The following DAB1 variants were observed in gnomAD, a reference collection of about 807,000 sequenced individuals.
The protein encoded by DAB1 is DAB adaptor protein 1.
DAB1 carries 15 observed loss-of-function variants against 64.6 expected under a neutral mutation model. The observed-to-expected ratio is 0.23, with a 90% CI of 0.16 to 0.36. The LOEUF is 0.36. Among genes scored for constraint, DAB1 ranks in the 10% least tolerant of loss-of-function variants. The probability of loss-of-function intolerance (pLI) is 1.00; values close to 1 mark genes in which losing one functional copy is unlikely to be tolerated. For synonymous variants in DAB1, 235 were observed against 251.9 expected (o/e 0.93, Z 0.64); for missense variants, 596 against 706.7 (o/e 0.84, Z 1.78).
At chr1:57,752,563 C>T (rs1203565065) in intron 6 of DAB1, among the ~76,000 whole-genome samples, 1 of 152,132 alleles carries the variant, frequency 6.6e-6, no homozygotes, top group East Asian at 1.9e-4. Context: ...GGTCTTCTTC[C>T]ATTATAGATC....
At chr1:57,390,239 A>C (rs1042544177) in intron 1 of DAB1, among the ~76,000 whole-genome samples, 16 of 152,234 alleles carry the variant, frequency 1.1e-4, no homozygotes, top group African/African-American at 3.6e-4. Flanking sequence ...TTTGAATCAG[A>C]AGACCTGATG....
At chr1:57,611,721 T>A (rs559634607) in intron 7 of DAB1, among the ~76,000 whole-genome samples, 2 of 152,206 alleles carry the variant, frequency 1.3e-5, no homozygotes. Context: ...GCCTGCATCA[T>A]GCCTGTCCTG....
At chr1:57,656,133 A>T (rs1646315898) in intron 6 of DAB1, among the ~76,000 whole-genome samples, 1 of 152,194 alleles carries the variant, frequency 6.6e-6, no homozygotes, top group Non-Finnish European at 1.5e-5. Flanking sequence ...GGATACAAGA[A>T]GTTGGCTGTC....
intron 4 of DAB1, among the ~76,000 whole-genome samples, chr1:58,276,706 A>G (rs1356530856): frequency 6.6e-6 from 1 of 152,120 alleles, no homozygotes; most frequent in Non-Finnish European, 1.5e-5. Flanking sequence ...GAGTACCAAA[A>G]CCATCATGTC....
chr1:57,878,410 A>G (rs950441140), intron 1 of DAB1: 1 of 152,166 alleles, frequency 6.6e-6, no homozygotes, highest in Admixed American at 6.5e-5. Context: ...TCTACACTGG[A>G]AGAGCATTTT....
At chr1:57,002,701 G>A (rs1645914083) in intron 14 of DAB1, among the ~76,000 whole-genome samples, 1 of 152,206 alleles carries the variant, frequency 6.6e-6, no homozygotes, top group South Asian at 2.1e-4. Flanking sequence ...CTGATGGTAT[G>A]TGAAATGTTG....
intron 5 of DAB1, among the ~76,000 whole-genome samples, chr1:58,127,414 G>A (rs1204450766): frequency 6.6e-6 from 1 of 151,172 alleles, no homozygotes; most frequent in Non-Finnish European, 1.5e-5. Context: ...TAGGTTGCCT[G>A]TTCACTCTGA....
intron 1 of DAB1, among the ~76,000 whole-genome samples, chr1:57,329,632 TC>T: frequency 6.9e-6 from 1 of 144,002 alleles, no homozygotes; most frequent in African/African-American, 2.6e-5. Context: ...TCCAGAATGT[TC>T]CAGGATGGTC....
At chr1:57,150,937 C>T (rs149477760) in intron 2 of DAB1, among the ~76,000 whole-genome samples, 226 of 152,228 alleles carry the variant, frequency 1.5e-3, no homozygotes, top group Middle Eastern at 0.014. Context: ...GGGAGGATTG[C>T]TTGAGCCCAG....
intron 4 of DAB1, among the ~76,000 whole-genome samples, chr1:57,102,618 C>G (rs1654782102): frequency 6.6e-6 from 1 of 152,204 alleles, no homozygotes; most frequent in Admixed American, 6.5e-5. Context: ...CTTGTTTCAA[C>G]TATTTTCATC....
At chr1:58,282,532 C>A (rs1661586309) in intron 4 of DAB1, among the ~76,000 whole-genome samples, 1 of 151,404 alleles carries the variant, frequency 6.6e-6, no homozygotes, top group Non-Finnish European at 1.5e-5. Context: ...AAAAACTAAC[C>A]AGAAGATTGC....
At chr1:58,345,561 G>C (rs764614935) in intron 3 of DAB1, among the ~76,000 whole-genome samples, 1 of 152,168 alleles carries the variant, frequency 6.6e-6, no homozygotes, top group African/African-American at 2.4e-5. Context: ...TCTAATGGGG[G>C]CTGTCAGGTA....
At chr1:58,452,430 C>T (rs1274418339) in intron 3 of DAB1, among the ~76,000 whole-genome samples, 4 of 151,812 alleles carry the variant, frequency 2.6e-5, no homozygotes, top group Admixed American at 1.3e-4. Flanking sequence ...CACATGTTCA[C>T]GATGATGTGG....
chr1:58,289,969 C>A (rs1661775340), intron 4 of DAB1, among the ~76,000 whole-genome samples: 1 of 152,170 alleles, frequency 6.6e-6, no homozygotes, highest in Non-Finnish European at 1.5e-5. Flanking sequence ...GGAGACAGTA[C>A]ATTATGGAAA....
chr1:58,116,551 T>A (rs1213587759), intron 5 of DAB1, among the ~76,000 whole-genome samples: 2 of 152,216 alleles, frequency 1.3e-5, no homozygotes, highest in East Asian at 3.8e-4. Flanking sequence ...TTGCCATGTA[T>A]CTTTTAAATA....
intron 7 of DAB1, among the ~76,000 whole-genome samples, chr1:57,527,514 T>C (rs1468916539): frequency 6.6e-6 from 1 of 152,140 alleles, no homozygotes; most frequent in Non-Finnish European, 1.5e-5. Context: ...GATTTTTCAG[T>C]CAGTTTCAAA....
chr1:57,086,192 C>A (rs1451434458), intron 4 of DAB1, among the ~76,000 whole-genome samples: 1 of 152,078 alleles, frequency 6.6e-6, no homozygotes, highest in Non-Finnish European at 1.5e-5. Context: ...ATCTTTGCTG[C>A]AGTTAAGCCT....
intron 5 of DAB1, among the ~76,000 whole-genome samples, chr1:58,102,205 C>T (rs541390746): frequency 1.7e-4 from 26 of 152,346 alleles, no homozygotes; most frequent in Non-Finnish European, 2.9e-4. Context: ...AAGGCCCTCG[C>T]TTTTGACCCA....
At chr1:58,181,053 T>G (rs1019461677) in intron 4 of DAB1, among the ~76,000 whole-genome samples, 2 of 152,172 alleles carry the variant, frequency 1.3e-5, no homozygotes, top group Non-Finnish European at 2.9e-5. Flanking sequence ...GCCTATCAAT[T>G]ATTAAGAGTA....
Sources: allele counts gnomAD v4.1 joint callset (sites outside exome capture counted in the v4.1 genomes callset), GRCh38; gene constraint gnomAD v4.1.1; transcripts MANE v1.5; gene names NCBI Gene and HGNC (gene_info 2026-07-23, HGNC 2026-07-21).